The following BLVRA variants were observed in gnomAD, a reference collection of about 807,000 sequenced individuals.
The protein encoded by BLVRA is biliverdin reductase A.
A neutral mutation model predicts 32.8 loss-of-function variants in BLVRA; 22 were observed. The ratio of observed to expected loss-of-function variants is 0.67; its 90% CI spans 0.48 to 0.96. The LOEUF (loss-of-function observed/expected upper bound fraction) is 0.96, where lower values mean the gene tolerates loss of function less well. Ranked by LOEUF, BLVRA falls within the 40% of genes least tolerant of loss-of-function variation. The pLI is 0.00. For synonymous variants in BLVRA, 119 were observed against 141.3 expected, an observed-to-expected ratio of 0.84 and a Z score of 1.12; for missense variants, 323 against 358.1, an observed-to-expected ratio of 0.90 and a Z score of 0.79.
chr7:43,780,598 A>G (rs2095767801), intron 2 of BLVRA, among the ~76,000 whole-genome samples: 1 of 151,908 alleles, frequency 6.6e-6, no homozygotes, highest in Admixed American at 6.6e-5. Flanking sequence ...CCTCTAGGCC[A>G]TTCCCTCTCC....
In BLVRA at chr7:43,807,228, G is replaced by A; in HGVS notation, c.884G>A (p.Arg295Lys). The A allele has an allele frequency of 1.2e-6, 2 of 1,604,534 alleles. No individual in the cohort carries two copies. The highest frequency in any genetic ancestry group is 1.7e-6 in the Non-Finnish European group (2 of 1,179,966). ...AEEIQKYCCS[R>K]K Reference sequence around the variant, plus strand: ...GAAATCCAGAAATATTGCTGTTCAAGGAAGTAAGAGGAGGAGGTGATGTAG... The same window carrying A: ...GAAATCCAGAAATATTGCTGTTCAAAGAAGTAAGAGGAGGAGGTGATGTAG... Residue 295 changes from arginine (R) to lysine (K), a missense_variant, in exon 8 of 8, where the codon AGG becomes AAG. Physicochemically the swap from Arg to Lys is conservative, Grantham distance 26. Coordinates refer to ENST00000265523, the MANE Select transcript of BLVRA (RefSeq NM_000712.4).
At chr7:43,801,205 C>T (rs2095798310) in intron 6 of BLVRA, among the ~76,000 whole-genome samples, 1 of 152,118 alleles carries the variant, frequency 6.6e-6, no homozygotes, top group Admixed American at 6.5e-5. Flanking sequence ...CTATGTTGCC[C>T]AGCCTCATCT....
intron 3 of BLVRA, among the ~76,000 whole-genome samples, chr7:43,790,458 C>T (rs2095784407): frequency 6.6e-6 from 1 of 151,626 alleles, no homozygotes; most frequent in African/African-American, 2.4e-5. Flanking sequence ...CACACACAGA[C>T]ACACACACAC....
rs151040216 is a variant in BLVRA, at chr7:43,780,921, C to T, written c.13-6983C>T. ...CAAAACTTTGGGAGGCCGAGGTGGG[C>T]GGATCAACTGAGGTCAGGAGTTTGA... On this transcript the variant is annotated intron_variant, in intron 2 of 7. Coordinates refer to ENST00000265523, the MANE Select transcript of BLVRA (RefSeq NM_000712.4). 7.2e-3 allele frequency among the ~76,000 whole-genome samples: 1,091 copies of T among 152,296 alleles called. 10 individuals carry two copies. The highest frequency in any genetic ancestry group is 0.025 in the African/African-American group (1,030 of 41,548).
intron 6 of BLVRA, among the ~76,000 whole-genome samples, chr7:43,801,753 G>A (rs2095798929): frequency 6.6e-6 from 1 of 152,192 alleles, no homozygotes; most frequent in African/African-American, 2.4e-5. Context: ...GCTTCACAGA[G>A]GTAACGTAGC....
At chr7:43,792,625 C>T (rs911571713) in intron 4 of BLVRA, 90 bp from the exon 5 acceptor site, 33 of 1,281,340 alleles carry the variant, frequency 2.6e-5, no homozygotes, top group Non-Finnish European at 3.7e-5. Flanking sequence ...ACTCTCATGC[C>T]TTTATAACAT....
rs1367612657 is a variant in BLVRA, at chr7:43,775,872, G to A, written c.12+4702G>A. The stretch of plus-strand genomic sequence containing the variant: ...CTTCTTCCTGGTTTAGTCTTGGGAG[G>A]GTGTATGTGTTGAGGAATTTATCCA... On this transcript the variant is annotated intron_variant, in intron 2 of 7. Transcript: ENST00000265523. Among the ~76,000 whole-genome samples the A allele has an allele frequency of 5.9e-5, 9 of 152,176 alleles. No homozygotes were observed. In the East Asian group the frequency reaches 1.2e-3, roughly 20 times the overall value.
At chr7:43,758,274 TG>T (rs1199877676), upstream of BLVRA, among the ~76,000 whole-genome samples, 1 of 123,468 alleles carries the variant, frequency 8.1e-6, no homozygotes, top group African/African-American at 2.6e-5. Context: ...TGGGATCCAG[TG>T]GGTTCTACGT....
At chr7:43,794,236 A>G (rs918749447) in intron 5 of BLVRA, among the ~76,000 whole-genome samples, 1 of 152,120 alleles carries the variant, frequency 6.6e-6, no homozygotes, top group East Asian at 1.9e-4. Flanking sequence ...TCTCAAAAAT[A>G]AAAATAAAAA....
intron 2 of BLVRA, among the ~76,000 whole-genome samples, chr7:43,771,430 G>A (rs1447580586): frequency 1.3e-5 from 2 of 152,214 alleles, no homozygotes; most frequent in African/African-American, 4.8e-5. Flanking sequence ...GCTCTGGCTA[G>A]TAGTGGGGCA....
chr7:43,769,952 A>G (rs537102061), intron 1 of BLVRA, among the ~76,000 whole-genome samples: 1 of 152,306 alleles, frequency 6.6e-6, no homozygotes, highest in East Asian at 1.9e-4. Context: ...ACGATCACCC[A>G]TGCCCCCTTC....
chr7:43,792,589 C>G (rs1041783731), intron 4 of BLVRA, 126 bp from the exon 5 acceptor site: 3 of 891,310 alleles, frequency 3.4e-6, no homozygotes, highest in East Asian at 2.6e-5. Context: ...CTCCTACCCC[C>G]AGTCATGACA....
At chr7:43,767,662 G>A in intron 1 of BLVRA, 4 of 657,910 alleles carry the variant, frequency 6.1e-6, no homozygotes, top group Admixed American at 4.0e-5. Flanking sequence ...CTGGAGGGGG[G>A]ACATCTGATT....
chr7:43,758,507 A>G (rs1239376166), upstream of BLVRA, among the ~76,000 whole-genome samples: 2 of 151,610 alleles, frequency 1.3e-5, no homozygotes, highest in Non-Finnish European at 3.0e-5. Context: ...CAGGCGCCAG[A>G]CCCAGGGCAC....
At chr7:43,776,901 CTTCT>C (rs1261268704) in intron 2 of BLVRA, among the ~76,000 whole-genome samples, 1 of 152,150 alleles carries the variant, frequency 6.6e-6, no homozygotes, top group Non-Finnish European at 1.5e-5. Flanking sequence ...ATGTAATGGC[CTTCT>C]TTGTCTCTTT....
chr7:43,776,116 A>C (rs2095760661), intron 2 of BLVRA, among the ~76,000 whole-genome samples: 1 of 152,020 alleles, frequency 6.6e-6, no homozygotes, highest in African/African-American at 2.4e-5. Flanking sequence ...AATTTTTTTG[A>C]AGGGTTTTTT....
At chr7:43,775,776 C>G (rs1306104773) in intron 2 of BLVRA, among the ~76,000 whole-genome samples, 2 of 152,094 alleles carry the variant, frequency 1.3e-5, no homozygotes, top group Non-Finnish European at 2.9e-5. Flanking sequence ...GTCCTGGACT[C>G]TTTTTGGTTG....
chr7:43,776,918 A>G (rs560853730), intron 2 of BLVRA, among the ~76,000 whole-genome samples: 1 of 151,750 alleles, frequency 6.6e-6, no homozygotes, highest in East Asian at 1.9e-4. Context: ...GTCTCTTTTG[A>G]TCTTTGTTGG....
intron 1 of BLVRA, among the ~76,000 whole-genome samples, chr7:43,760,480 G>A (rs775064525): frequency 2.0e-5 from 3 of 152,078 alleles, no homozygotes; most frequent in Non-Finnish European, 2.9e-5. Context: ...TCTCTTTGGC[G>A]TATCCAGGAC....
Sources: allele counts gnomAD v4.1 joint callset (sites outside exome capture counted in the v4.1 genomes callset), GRCh38; gene constraint gnomAD v4.1.1; transcripts MANE v1.5; gene names NCBI Gene and HGNC (gene_info 2026-07-23, HGNC 2026-07-21).